The following NTM variants were observed in gnomAD, a reference collection of about 807,000 sequenced individuals.
The protein encoded by NTM is neurotrimin.
In NTM, 13 loss-of-function variants were observed where a neutral mutation model predicts 42.1. That is an observed-to-expected ratio of 0.31 (90% CI 0.20 to 0.49). NTM has a LOEUF of 0.49. NTM is among the 20% of genes least tolerant of loss of function. The pLI, the probability that NTM is intolerant of heterozygous loss-of-function variation, is 0.99. For synonymous variants in NTM, 187 were observed against 179.2 expected (o/e 1.04, Z -0.35); for missense variants, 373 against 452.8 (o/e 0.82, Z 1.60).
intron 1 of NTM, among the ~76,000 whole-genome samples, chr11:131,749,796 C>CTACTACAGGGTTTTAGTAGAG (rs1477578781): frequency 6.6e-6 from 1 of 152,122 alleles, no homozygotes; most frequent in Non-Finnish European, 1.5e-5. Flanking sequence ...GACAGGGTTT[C>CTACTACAGGGTTTTAGTAGAG]ACTATGCTGG....
At chr11:131,481,423 A>G (rs912253023) in intron 1 of NTM, among the ~76,000 whole-genome samples, 1 of 152,182 alleles carries the variant, frequency 6.6e-6, no homozygotes, top group South Asian at 2.1e-4. Context: ...CCAGTTTGGG[A>G]AGACGCAAGG....
chr11:131,413,010 T>C (rs772619819), intron 1 of NTM, among the ~76,000 whole-genome samples: 3 of 152,156 alleles, frequency 2.0e-5, no homozygotes, highest in Non-Finnish European at 4.4e-5. Flanking sequence ...AGCAAGACCT[T>C]ACACTGCCTT....
intron 1 of NTM, among the ~76,000 whole-genome samples, chr11:131,444,213 A>C (rs1949854092): frequency 6.7e-6 from 1 of 150,288 alleles, no homozygotes; most frequent in African/African-American, 2.4e-5. Flanking sequence ...CAAAAAAAAA[A>C]AAAAAAAAAA....
intron 1 of NTM, among the ~76,000 whole-genome samples, chr11:131,763,650 G>A (rs1448443238): frequency 6.8e-6 from 1 of 147,374 alleles, no homozygotes; most frequent in Non-Finnish European, 1.5e-5. Flanking sequence ...CAAACCCCAG[G>A]GATCCTCATT....
intron 1 of NTM, among the ~76,000 whole-genome samples, chr11:131,642,851 C>T (rs1188596462): frequency 2.0e-5 from 3 of 152,106 alleles, no homozygotes; most frequent in Non-Finnish European, 2.9e-5. Flanking sequence ...CCTCAGTCCC[C>T]CTCTGCTACC....
intron 3 of NTM, among the ~76,000 whole-genome samples, chr11:132,161,370 CTTTTTT>C (rs55732584): frequency 2.2e-4 from 14 of 64,058 alleles, no homozygotes; most frequent in Non-Finnish European, 3.1e-4. Flanking sequence ...TTTCGAGCAG[CTTTTTT>C]TTTTTTTTTT....
chr11:131,920,272 T>C (rs1267055018), intron 2 of NTM, among the ~76,000 whole-genome samples: 1 of 152,220 alleles, frequency 6.6e-6, no homozygotes, highest in Non-Finnish European at 1.5e-5. Context: ...TTTAAGACTC[T>C]CGCAGCTGTA....
At chr11:131,594,626 G>A (rs372494826) in intron 1 of NTM, among the ~76,000 whole-genome samples, 7 of 151,982 alleles carry the variant, frequency 4.6e-5, no homozygotes, top group East Asian at 1.9e-4. Context: ...CTCCAACTAC[G>A]GGGCTCAAGC....
Position 131,833,415 on chromosome 11 carries a change from C to G in NTM, c.83-78149C>G, listed in dbSNP as rs115704473. Among the ~76,000 whole-genome samples, 433 of 152,278 alleles carry G rather than the reference C, an allele frequency of 2.8e-3. 1 individual carries two copies. The highest frequency in any genetic ancestry group is 9.8e-3 in the African/African-American group (408 of 41,558). On this transcript the variant is annotated intron_variant, in intron 1 of 8. Coordinates refer to ENST00000683400, the MANE Select transcript of NTM (RefSeq NM_001352005.2). ...CCCAGCATACACCATGAAGTAGATA[C>G]TAATTGTATCCCTATTTTACAGGGA...
intron 2 of NTM, among the ~76,000 whole-genome samples, chr11:132,058,154 G>T (rs2080009200): frequency 6.6e-6 from 1 of 152,124 alleles, no homozygotes; most frequent in African/African-American, 2.4e-5. Flanking sequence ...GGCGTTCTTT[G>T]TGAAATGTTT....
chr11:132,299,280 G>A (rs1591829791), intron 4 of NTM, among the ~76,000 whole-genome samples: 2 of 152,284 alleles, frequency 1.3e-5, no homozygotes, highest in African/African-American at 2.4e-5. Flanking sequence ...GGGTGACAGA[G>A]CGAGACTCTG....
At chr11:132,212,262 C>G in intron 4 of NTM, 115 bp downstream of exon 4, 1 of 772,678 alleles carries the variant, frequency 1.3e-6, no homozygotes, top group Non-Finnish European at 2.1e-6. Context: ...TTTTTGGTGG[C>G]TTGATGGTAA....
chr11:131,442,791 C>T (rs78264305), intron 1 of NTM, among the ~76,000 whole-genome samples: 8,882 of 151,508 alleles, frequency 0.059, 336 homozygotes, highest in Non-Finnish European at 0.085. Context: ...TATATATATA[C>T]GTGTATATAT....
chr11:131,602,185 T>C (rs1222531876), intron 1 of NTM, among the ~76,000 whole-genome samples: 1 of 152,156 alleles, frequency 6.6e-6, no homozygotes, highest in Admixed American at 6.5e-5. Flanking sequence ...ACTGAAATAG[T>C]TCATTTGGGT....
intron 1 of NTM, among the ~76,000 whole-genome samples, chr11:131,789,430 G>A (rs1429922691): frequency 0.042 from 33 of 780 alleles, 2 homozygotes; most frequent in Admixed American, 0.058. Context: ...AAAGAAGAAG[G>A]AAGAAGAAGA....
intron 1 of NTM, among the ~76,000 whole-genome samples, chr11:131,719,428 C>A (rs75179118): frequency 6.6e-6 from 1 of 152,064 alleles, no homozygotes; most frequent in Non-Finnish European, 1.5e-5. Flanking sequence ...GTGAAGATAG[C>A]GCTTCTAAAA....
chr11:132,107,535 T>TA (rs979123857), intron 2 of NTM, among the ~76,000 whole-genome samples: 3 of 146,952 alleles, frequency 2.0e-5, no homozygotes, highest in African/African-American at 4.9e-5. Flanking sequence ...TTCCTTTATT[T>TA]AAAAAAATTT....
At chr11:131,717,363 G>A (rs1016364467) in intron 1 of NTM, among the ~76,000 whole-genome samples, 22 of 152,070 alleles carry the variant, frequency 1.4e-4, no homozygotes, top group Admixed American at 1.4e-3. Context: ...TGACTGATTA[G>A]TTTAGTATAT....
At chr11:132,025,396 T>C (rs976988905) in intron 2 of NTM, among the ~76,000 whole-genome samples, 1 of 152,216 alleles carries the variant, frequency 6.6e-6, no homozygotes, top group Non-Finnish European at 1.5e-5. Flanking sequence ...GTAATTCTTT[T>C]ATCTGCACCT....
Sources: gnomAD v4.1 joint callset for allele counts (sites outside exome capture counted in the v4.1 genomes callset) on GRCh38, gnomAD v4.1.1 for gene constraint, MANE v1.5 for transcripts, NCBI Gene and HGNC (gene_info 2026-07-23, HGNC 2026-07-21) for gene names.